TBL1Y: variants seen among roughly 807,000 people sequenced by gnomAD.
The protein encoded by TBL1Y is transducin beta like 1 Y-linked.
A neutral mutation model predicts 12.0 loss-of-function variants in TBL1Y; 15 were observed. That is an observed-to-expected ratio of 1.25 (90% CI 0.83 to 1.92). TBL1Y has a LOEUF of 1.92. TBL1Y is among the 40% of genes most tolerant of loss of function. The probability of loss-of-function intolerance (pLI) is 0.00; values close to 1 mark genes in which losing one functional copy is unlikely to be tolerated. For missense variants in TBL1Y, 148 were observed against 116.7 expected (o/e 1.27, Z -1.24); for synonymous variants, 53 against 42.6 (o/e 1.24, Z -0.95).
chrY:6,998,667 T>A, intron 4 of TBL1Y, among the ~76,000 whole-genome samples: 1 of 32,179 alleles, frequency 3.1e-5, no homozygotes, highest in South Asian at 7.3e-4. Flanking sequence ...CACAGAAAAA[T>A]AGTTTTGCCT....
At chrY:6,978,866 C>T (rs989083679) in intron 3 of TBL1Y, among the ~76,000 whole-genome samples, 2 of 32,652 alleles carry the variant, frequency 6.1e-5, no homozygotes, top group Non-Finnish European at 1.5e-4. Flanking sequence ...AAAACTTTGT[C>T]GGTATTTTAT....
At chrY:7,062,972 C>T (rs2012894035) in intron 7 of TBL1Y, among the ~76,000 whole-genome samples, 2 of 33,618 alleles carry the variant, frequency 5.9e-5, no homozygotes, top group South Asian at 6.8e-4. Flanking sequence ...ACAGAGTAAT[C>T]GCCACAGTAT....
chrY:7,058,424 C>A (rs748486523), intron 7 of TBL1Y, among the ~76,000 whole-genome samples: 1 of 33,002 alleles, frequency 3.0e-5, no homozygotes, highest in Non-Finnish European at 7.4e-5. Flanking sequence ...GGGTGCCAGG[C>A]TTTGGGATAT....
intron 17 of TBL1Y, among the ~76,000 whole-genome samples, chrY:7,089,502 G>A: frequency 3.0e-5 from 1 of 33,222 alleles, no homozygotes. Flanking sequence ...TAGGAAGTCC[G>A]TGAGCTGGCC....
intron 7 of TBL1Y, among the ~76,000 whole-genome samples, chrY:7,061,517 C>T (rs963905514): frequency 1.5e-4 from 5 of 32,339 alleles, no homozygotes; most frequent in Admixed American, 1.4e-3. Context: ...TTGACCCCTT[C>T]TTTGTGTCTC....
chrY:7,028,723 C>T (rs972484668), intron 6 of TBL1Y, among the ~76,000 whole-genome samples: 19 of 33,831 alleles, frequency 5.6e-4, no homozygotes, highest in Non-Finnish European at 1.0e-3. Context: ...CTGGCATTGA[C>T]GGGTGACTCT....
At chrY:7,056,977 T>C in intron 7 of TBL1Y, among the ~76,000 whole-genome samples, 1 of 33,631 alleles carries the variant, frequency 3.0e-5, no homozygotes, top group Non-Finnish European at 7.3e-5. Context: ...TCCTGCTGTG[T>C]CGTTCCTCTA....
Position 7,086,314 on chromosome Y carries a change from T to C in TBL1Y, c.1177T>C (p.Cys393Arg), listed in dbSNP as rs755396961. The change falls in exon 16 of 19, where the codon TGC becomes CGC. Residue 393 changes from cysteine (C) to arginine (R), a missense_variant. Transcript: ENST00000383032. ...LKIWSMKQDA[C>R]VHDLQAHSKE... ...GATCTGGAGTATGAAGCAGGATGCA[T>C]GCGTCCACGATCTTCAGGCTCACAG... The C allele has an allele frequency of 5.3e-6, 2 of 380,880 alleles. No individual in the cohort carries two copies. Among genetic ancestry groups the C allele is most frequent in the Non-Finnish European group, 7.3e-6 (2 of 272,276 alleles).
intron 8 of TBL1Y, among the ~76,000 whole-genome samples, chrY:7,064,840 G>T: frequency 1.2e-4 from 4 of 33,608 alleles, no homozygotes. Flanking sequence ...TCTCTGGCTG[G>T]AGAATCAGAT....
intron 2 of TBL1Y, among the ~76,000 whole-genome samples, chrY:6,965,534 G>C: frequency 3.0e-5 from 1 of 33,131 alleles, no homozygotes. Flanking sequence ...CCATCTGCGA[G>C]TCATACCCTT....
intron 2 of TBL1Y, among the ~76,000 whole-genome samples, chrY:6,976,645 A>G (rs753109723): frequency 3.0e-5 from 1 of 33,657 alleles, no homozygotes; most frequent in Non-Finnish European, 7.4e-5. Flanking sequence ...GAGTTTCATG[A>G]CAAAGACAAT....
At chrY:7,050,364 G>A in intron 7 of TBL1Y, among the ~76,000 whole-genome samples, 7 of 30,465 alleles carry the variant, frequency 2.3e-4, no homozygotes, top group Non-Finnish European at 5.5e-4. Context: ...ACATGATGGC[G>A]CATGCCTATA....
chrY:7,027,767 A>AG, intron 6 of TBL1Y, among the ~76,000 whole-genome samples: 1 of 33,431 alleles, frequency 3.0e-5, no homozygotes, highest in East Asian at 8.0e-4. Flanking sequence ...AAAAGAAAAA[A>AG]GAAAAAGGAA....
intron 2 of TBL1Y, among the ~76,000 whole-genome samples, chrY:6,972,752 G>C: frequency 3.0e-5 from 1 of 33,208 alleles, no homozygotes; most frequent in African/African-American, 1.2e-4. Context: ...CCTGCCACGT[G>C]TCACCATACT....
chrY:7,062,756 A>G (rs1029460041), intron 7 of TBL1Y, among the ~76,000 whole-genome samples: 3 of 33,227 alleles, frequency 9.0e-5, no homozygotes, highest in African/African-American at 3.6e-4. Context: ...CAATTTCCCC[A>G]CTGGAAATTT....
chrY:6,982,452 C>CCAAA (rs2012292800), intron 3 of TBL1Y, among the ~76,000 whole-genome samples: 3 of 32,275 alleles, frequency 9.3e-5, no homozygotes, highest in East Asian at 8.1e-4. Flanking sequence ...GACCCTGTCT[C>CCAAA]CAAACAAACA....
At chrY:7,014,584 T>C in intron 4 of TBL1Y, among the ~76,000 whole-genome samples, 1 of 33,267 alleles carries the variant, frequency 3.0e-5, no homozygotes, top group Non-Finnish European at 7.4e-5. Flanking sequence ...GTTATAGTTT[T>C]CTAGTTCACT....
intron 3 of TBL1Y, among the ~76,000 whole-genome samples, chrY:6,986,961 C>A: frequency 3.0e-5 from 1 of 33,424 alleles, no homozygotes; most frequent in Admixed American, 2.7e-4. Context: ...AATCATCCAA[C>A]ACAAAGCCCA....
intron 4 of TBL1Y, among the ~76,000 whole-genome samples, chrY:7,000,583 A>G (rs1603036568): frequency 5.9e-5 from 2 of 34,018 alleles, no homozygotes; most frequent in East Asian, 1.6e-3. Flanking sequence ...AATAGCAGCA[A>G]CTAAGACTAA....
Sources: gnomAD v4.1 joint callset for allele counts (sites outside exome capture counted in the v4.1 genomes callset) on GRCh38, gnomAD v4.1.1 for gene constraint, MANE v1.5 for transcripts, NCBI Gene and HGNC (gene_info 2026-07-23, HGNC 2026-07-21) for gene names.